HEATR5A: variants seen among roughly 807,000 people sequenced by gnomAD.
HEATR5A encodes HEAT repeat containing 5A, also known as HEAT repeat-containing protein 5A.
A neutral mutation model predicts 218.8 loss-of-function variants in HEATR5A; 178 were observed. That is an observed-to-expected ratio of 0.81 (90% CI 0.72 to 0.92). The LOEUF (loss-of-function observed/expected upper bound fraction) is 0.92. Ranked by LOEUF, HEATR5A falls within the 40% of genes least tolerant of loss-of-function variation. The probability of loss-of-function intolerance (pLI) is 0.00; values close to 1 mark genes in which losing one functional copy is unlikely to be tolerated. For synonymous variants in HEATR5A, 864 were observed against 871.6 expected, an observed-to-expected ratio of 0.99 and a Z score of 0.15; for missense variants, 2,420 against 2,418.9, an observed-to-expected ratio of 1.00 and a Z score of -0.01.
chr14:31,345,040 T>C, intron 20 of HEATR5A, 47 bp downstream of exon 20: 4 of 1,482,906 alleles, frequency 2.7e-6, no homozygotes, highest in Non-Finnish European at 3.7e-6. Context: ...TTCACTTTTA[T>C]GTGTATTATT....
intron 1 of HEATR5A, among the ~76,000 whole-genome samples, chr14:31,405,377 C>T (rs1432983879): frequency 6.6e-6 from 1 of 151,944 alleles, no homozygotes; most frequent in South Asian, 2.1e-4. Flanking sequence ...GAGGTTGCAG[C>T]GAGCCAGGAT....
chr14:31,416,064 C>T (rs183334109), intron 1 of HEATR5A, among the ~76,000 whole-genome samples: 199 of 152,216 alleles, frequency 1.3e-3, no homozygotes, highest in Non-Finnish European at 2.2e-3. Flanking sequence ...GATTCTCCCA[C>T]CTCAGCCTCC....
rs374369186 is a variant in HEATR5A, at chr14:31,358,702, T to C, written c.2346A>G (p.Leu782=). Residue 782 remains leucine (L), a synonymous_variant, in exon 16 of 36, where the codon CTA becomes CTG. Transcript: ENST00000543095. Reference sequence around the variant, plus strand: ...GCTTGGATGCAGAACTAATAACTGATAGTGCTGGAGGTAAGGGCTTAGGCA... The same window carrying C: ...GCTTGGATGCAGAACTAATAACTGACAGTGCTGGAGGTAAGGGCTTAGGCA... ...DSVPKPLPPA[L]SVISSASKLF... 5 of 1,613,948 alleles carry C rather than the reference T, an allele frequency of 3.1e-6. No homozygotes were observed. The highest frequency in any genetic ancestry group is 1.7e-5 in the Admixed American group (1 of 60,010).
intron 23 of HEATR5A, among the ~76,000 whole-genome samples, chr14:31,324,836 A>G (rs1446816167): frequency 2.6e-5 from 4 of 152,178 alleles, no homozygotes; most frequent in Admixed American, 1.3e-4. Context: ...TTAGAAAAAT[A>G]AAATATGTAA....
At chr14:31,310,726 A>T (rs1050416382) in intron 28 of HEATR5A, among the ~76,000 whole-genome samples, 1 of 152,156 alleles carries the variant, frequency 6.6e-6, no homozygotes, top group Non-Finnish European at 1.5e-5. Context: ...TACAGTTGCT[A>T]TATGTCTGTC....
chr14:31,350,944 A>T (rs1595125860), intron 16 of HEATR5A, among the ~76,000 whole-genome samples: 1 of 151,972 alleles, frequency 6.6e-6, no homozygotes, highest in Admixed American at 6.6e-5. Context: ...CACCCGGTTA[A>T]TTTTTGTATT....
chr14:31,387,454 A>C, intron 7 of HEATR5A, 79 bp from the exon 8 acceptor site: 1 of 1,054,626 alleles, frequency 9.5e-7, no homozygotes, highest in African/African-American at 1.6e-5. Context: ...TGTAGCATTT[A>C]TTAATATTTT....
rs1444326663 is a variant in HEATR5A at position 31,295,971 on chromosome 14, G to A, written c.5557C>T (p.Pro1853Ser). The change falls in exon 34 of 36, where the codon CCA becomes TCA. Residue 1853 changes from proline to serine, a missense_variant. Pro to Ser is a moderately conservative substitution (Grantham distance 74, BLOSUM62 -1). Transcript: ENST00000543095. ...TCAATACAGCGCTTCTGAAGGCATG[G>A]GATGGTAGTTACTTCTGGACTGGTA... is the stretch of plus-strand genomic sequence containing the variant. Reference protein sequence around the residue: ...LSTSPEVTTIPCLQKRCIDKF... With the variant: ...LSTSPEVTTISCLQKRCIDKF... 6.2e-7 allele frequency: 1 copy of A among 1,613,310 alleles called. No individual in the cohort carries two copies. Among genetic ancestry groups the A allele is most frequent in the South Asian group, 1.1e-5 (1 of 91,050 alleles).
chr14:31,377,218 GTA>G (rs1480789255), intron 11 of HEATR5A, among the ~76,000 whole-genome samples: 1 of 151,404 alleles, frequency 6.6e-6, no homozygotes, highest in Non-Finnish European at 1.5e-5. Flanking sequence ...GGCAGAAAAT[GTA>G]GTGTAAAACC....
chr14:31,353,183 C>T (rs905228977), intron 16 of HEATR5A, among the ~76,000 whole-genome samples: 6 of 151,552 alleles, frequency 4.0e-5, no homozygotes, highest in African/African-American at 9.7e-5. Context: ...TTCTTTTCTC[C>T]CTTAGACATA....
chr14:31,394,880 T>C (rs1245148591), intron 5 of HEATR5A, among the ~76,000 whole-genome samples: 1 of 152,092 alleles, frequency 6.6e-6, no homozygotes, highest in Non-Finnish European at 1.5e-5. Context: ...AAATTAAAAA[T>C]AAAACAAAAA....
In HEATR5A at chr14:31,388,878, T is replaced by C. The variant is rs761420426; in HGVS notation, c.900A>G (p.Ser300=). The part of the protein sequence containing the change: ...ASGDMLKGTS[S]VSRDVRVGVT... ...CTCCAACTCGAACATCCCTACTGAC[T>C]GAACTGGTTCCTTTCAGCATATCTC... Residue 300 remains serine (S), a synonymous_variant, in exon 7 of 36, where the codon TCA becomes TCG. Coordinates refer to ENST00000543095, the MANE Select transcript of HEATR5A (RefSeq NM_015473.4). The C allele has an allele frequency of 2.5e-6, 4 of 1,613,834 alleles. No individual in the cohort carries two copies. The highest frequency in any genetic ancestry group is 1.7e-6 in the Non-Finnish European group (2 of 1,179,858).
intron 19 of HEATR5A, among the ~76,000 whole-genome samples, 152 bp from the exon 20 acceptor site, chr14:31,345,428 C>T (rs899504847): frequency 2.0e-5 from 3 of 152,200 alleles, no homozygotes; most frequent in Admixed American, 6.6e-5. Context: ...GGACTTCCAA[C>T]TCAGAGGCAA....
intron 5 of HEATR5A, 86 bp downstream of exon 5, chr14:31,395,113 T>C: frequency 2.4e-6 from 2 of 850,732 alleles, no homozygotes; most frequent in South Asian, 2.7e-5. Context: ...ACCAAGATCA[T>C]GTAGCTTTTA....
chr14:31,407,147 T>C (rs1201218312), intron 1 of HEATR5A, among the ~76,000 whole-genome samples: 1 of 151,662 alleles, frequency 6.6e-6, no homozygotes, highest in Non-Finnish European at 1.5e-5. Flanking sequence ...AAAAATTAGC[T>C]GGGCATGGTG....
intron 16 of HEATR5A, among the ~76,000 whole-genome samples, chr14:31,354,860 T>C (rs1901365384): frequency 6.6e-6 from 1 of 152,242 alleles, no homozygotes; most frequent in African/African-American, 2.4e-5. Context: ...CTGAGAATTA[T>C]AACTGTTTAA....
At chr14:31,371,705 C>T in intron 13 of HEATR5A, 105 bp downstream of exon 13, 2 of 457,078 alleles carry the variant, frequency 4.4e-6, no homozygotes, top group East Asian at 3.5e-5. Context: ...GATTGCCTTC[C>T]TCCATAAAAT....
At chr14:31,415,941 G>T (rs2031429354) in intron 1 of HEATR5A, among the ~76,000 whole-genome samples, 1 of 146,164 alleles carries the variant, frequency 6.8e-6, no homozygotes, top group Non-Finnish European at 1.5e-5. Flanking sequence ...CATACTATGG[G>T]TTTTTTTTTT....
In HEATR5A at chr14:31,388,994, G is replaced by C. The variant is rs762643387; in HGVS notation, c.784C>G (p.Gln262Glu). The change falls in exon 7 of 36, where the codon CAA becomes GAA. Residue 262 changes from glutamine to glutamate, a missense_variant. Physicochemically the swap from Gln to Glu is conservative, Grantham distance 29. Coordinates refer to ENST00000543095, the MANE Select transcript of HEATR5A (RefSeq NM_015473.4). ...SKHPGTAASRQSIRRVSLEEV... is the reference protein window; with the variant it reads ...SKHPGTAASRESIRRVSLEEV... ...TCCAAAGATACTCTGCGAATGCTTTGACGTGAGGCTGCTATGACAAAGAAC... is the reference window on the plus strand; with the variant it reads ...TCCAAAGATACTCTGCGAATGCTTTCACGTGAGGCTGCTATGACAAAGAAC... 9 of 1,611,012 alleles carry C rather than the reference G, an allele frequency of 5.6e-6. No homozygotes were observed. The East Asian group carries it at 2.0e-4, about 36-fold the overall frequency.
Sources: allele counts gnomAD v4.1 joint callset (sites outside exome capture counted in the v4.1 genomes callset), GRCh38; gene constraint gnomAD v4.1.1; transcripts MANE v1.5; gene names NCBI Gene and HGNC (gene_info 2026-07-23, HGNC 2026-07-21).